FBXO32: variants seen among roughly 807,000 people sequenced by gnomAD.
FBXO32 encodes the protein F-box only protein 32.
FBXO32 carries 15 observed loss-of-function variants against 48.3 expected under a neutral mutation model. The ratio of observed to expected loss-of-function variants is 0.31; its 90% confidence interval spans 0.21 to 0.48. FBXO32 has a LOEUF of 0.48. Among genes scored for constraint, FBXO32 ranks in the 20% least tolerant of loss-of-function variants. The pLI is 0.99. For missense variants in FBXO32, 309 were observed against 432.7 expected, an observed-to-expected ratio of 0.71 and a Z score of 2.54; for synonymous variants, 154 against 165.9, an observed-to-expected ratio of 0.93 and a Z score of 0.55.
intron 4 of FBXO32, among the ~76,000 whole-genome samples, chr8:123,530,513 G>A (rs868019806): frequency 2.0e-5 from 3 of 152,234 alleles, no homozygotes; most frequent in Non-Finnish European, 4.4e-5. Flanking sequence ...GAGCTTTGGA[G>A]GGCAGGCAGG....
chr8:123,515,721 C>T (rs909173102), intron 4 of FBXO32, among the ~76,000 whole-genome samples: 1 of 151,852 alleles, frequency 6.6e-6, no homozygotes, highest in South Asian at 2.1e-4. Context: ...AGGCCAGGTG[C>T]GGTGGCTCAT....
chr8:123,522,059 C>A (rs1163148262), intron 4 of FBXO32, among the ~76,000 whole-genome samples: 1 of 152,030 alleles, frequency 6.6e-6, no homozygotes, highest in Non-Finnish European at 1.5e-5. Context: ...GCAGGCATGT[C>A]AAGATTGGAT....
At chr8:123,520,381 C>T (rs1233366899) in intron 4 of FBXO32, among the ~76,000 whole-genome samples, 3 of 152,008 alleles carry the variant, frequency 2.0e-5, no homozygotes, top group East Asian at 1.9e-4. Flanking sequence ...GTGTCATTAT[C>T]GTGTGGGCAC....
chr8:123,514,747 CAAGGCACCTA>C (rs1460174376), intron 4 of FBXO32, among the ~76,000 whole-genome samples: 6 of 152,246 alleles, frequency 3.9e-5, no homozygotes, highest in Non-Finnish European at 8.8e-5. Flanking sequence ...TGACTGCTCT[CAAGGCACCTA>C]AAGCCCATCT....
chr8:123,533,232 G>T lies in FBXO32; in HGVS notation c.238C>A (p.Gln80Lys). 6.2e-7 allele frequency: 1 copy of T among 1,611,920 alleles called. No individual in the cohort carries two copies. The highest frequency in any genetic ancestry group is 1.1e-5 in the South Asian group (1 of 90,986). Residue 80 changes from glutamine (Q) to lysine (K), a missense_variant, in exon 3 of 9, where the codon CAA (glutamine) becomes AAA (lysine). Coordinates refer to ENST00000517956, the MANE Select transcript of FBXO32 (RefSeq NM_058229.4). ...TTGTGAACATAGATCCATTTTTCTT[G>T]GTGGAAATCTACAGAGACAAAAAGA... ...NSKTKTQYFH[Q>K]EKWIYVHKGS...
At chr8:123,504,808 T>A in intron 7 of FBXO32, 61 bp from the exon 8 acceptor site, 1 of 1,553,016 alleles carries the variant, frequency 6.4e-7, no homozygotes, top group Non-Finnish European at 8.8e-7. Context: ...TGGCTTGTGG[T>A]TTTCCGGTTC....
At chr8:123,534,504 T>A (rs976933678) in intron 2 of FBXO32, among the ~76,000 whole-genome samples, 198 bp downstream of exon 2, 1 of 152,158 alleles carries the variant, frequency 6.6e-6, no homozygotes, top group Non-Finnish European at 1.5e-5. Flanking sequence ...AACAAGACTA[T>A]AAAGAACATG....
intron 3 of FBXO32, among the ~76,000 whole-genome samples, chr8:123,532,445 G>T (rs1817229754): frequency 6.6e-6 from 1 of 152,194 alleles, no homozygotes; most frequent in Admixed American, 6.5e-5. Context: ...TTTTCTCACT[G>T]TGATCATCAG....
At chr8:123,504,291 T>C (rs10956136) in intron 8 of FBXO32, among the ~76,000 whole-genome samples, 47,488 of 152,002 alleles carry the variant, frequency 0.31, 10,166 homozygotes, top group African/African-American at 0.61. Context: ...AAAAATTTTA[T>C]AAGTCTGGAA....
At chr8:123,527,731 C>G (rs1347026430) in intron 4 of FBXO32, among the ~76,000 whole-genome samples, 2 of 152,194 alleles carry the variant, frequency 1.3e-5, no homozygotes, top group African/African-American at 4.8e-5. Context: ...TTATATAACA[C>G]TTTCACACCC....
At chr8:123,530,684 C>CA (rs1554663370) in intron 4 of FBXO32, among the ~76,000 whole-genome samples, 3 of 151,344 alleles carry the variant, frequency 2.0e-5, no homozygotes, top group South Asian at 2.1e-4. Flanking sequence ...GGCGCCATCT[C>CA]GCTCACTGCA....
chr8:123,539,538 C>T (rs1332892506), intron 1 of FBXO32, among the ~76,000 whole-genome samples: 3 of 152,158 alleles, frequency 2.0e-5, no homozygotes, highest in Non-Finnish European at 2.9e-5. Context: ...GTAACTCCAA[C>T]GTAAATGGTT....
At chr8:123,514,403 G>T in intron 4 of FBXO32, 70 bp from the exon 5 acceptor site, 1 of 1,239,344 alleles carries the variant, frequency 8.1e-7, no homozygotes, top group South Asian at 1.4e-5. Context: ...CTTCACTTTT[G>T]AGTCCCATGA....
intron 4 of FBXO32, among the ~76,000 whole-genome samples, chr8:123,518,278 C>T (rs963428946): frequency 1.4e-4 from 22 of 152,136 alleles, no homozygotes; most frequent in Non-Finnish European, 7.3e-5. Context: ...ATAACTGTGC[C>T]TGCTACAAAG....
rs1243901778 is a variant in FBXO32, at chr8:123,500,607, T to C, written c.*2766A>G. The C allele has an allele frequency of 1.3e-5, 2 of 152,346 alleles. No homozygotes were observed. Among genetic ancestry groups the C allele is most frequent in the East Asian group, 1.9e-4 (1 of 5,188 alleles). The allele number at this position is 152,346 out of a possible 1,614,324, so 9.4% of individuals were successfully genotyped here. A position where few individuals can be genotyped will look rare whatever the true frequency, so the allele number is the denominator to read the frequency against. On this transcript the variant is annotated 3_prime_UTR_variant, in exon 9 of 9. Transcript: ENST00000517956. ...ATTGTCTTAACTCTCTTCACTTATA[T>C]GTGAGGCTCTGGCCATACTTAACAG... is the stretch of plus-strand genomic sequence containing the variant.
intron 6 of FBXO32, among the ~76,000 whole-genome samples, chr8:123,512,347 G>A (rs1301290890): frequency 6.6e-6 from 1 of 152,150 alleles, no homozygotes; most frequent in Non-Finnish European, 1.5e-5. Context: ...AGAAGCCAAA[G>A]GATTTCTTCC....
intron 3 of FBXO32, 33 bp from the exon 4 acceptor site, chr8:123,532,023 C>G: frequency 6.2e-7 from 1 of 1,612,914 alleles, no homozygotes; most frequent in Non-Finnish European, 8.5e-7. Flanking sequence ...AGAAGTTACT[C>G]CTGCCATGCA....
chr8:123,523,083 CA>C (rs1816994492), intron 4 of FBXO32, among the ~76,000 whole-genome samples: 1 of 152,178 alleles, frequency 6.6e-6, no homozygotes, highest in African/African-American at 2.4e-5. Context: ...CGCTCCTTGC[CA>C]TCAGAGACCT....
At chr8:123,535,723 G>A (rs138875168) in intron 1 of FBXO32, among the ~76,000 whole-genome samples, 1 of 152,052 alleles carries the variant, frequency 6.6e-6, no homozygotes, top group East Asian at 1.9e-4. Flanking sequence ...AGGAATGCAG[G>A]AGAAATACTG....
Sources: allele counts gnomAD v4.1 joint callset (sites outside exome capture counted in the v4.1 genomes callset), GRCh38; gene constraint gnomAD v4.1.1; transcripts MANE v1.5; gene names NCBI Gene and HGNC (gene_info 2026-07-23, HGNC 2026-07-21).